The following COLQ variants were observed in gnomAD, a reference collection of about 807,000 sequenced individuals.
The protein encoded by COLQ is collagen like tail subunit of asymmetric acetylcholinesterase.
In COLQ, 48 loss-of-function variants were observed where a neutral mutation model predicts 69.0. The observed-to-expected ratio is 0.70, with a 90% confidence interval of 0.55 to 0.88. The LOEUF (loss-of-function observed/expected upper bound fraction) is 0.88, where lower values mean the gene tolerates loss of function less well. COLQ is among the 40% of genes least tolerant of loss of function. The probability of loss-of-function intolerance (pLI) is 0.00; values close to 1 mark genes in which losing one functional copy is unlikely to be tolerated. For synonymous variants in COLQ, 217 were observed against 211.2 expected (o/e 1.03, Z -0.24); for missense variants, 618 against 594.6 (o/e 1.04, Z -0.41).
rs1402522935 is a variant in COLQ at position 15,465,232 on chromosome 3, TTTGATTTATTTATTTATTTA to T, written c.814+1089_814+1108del. Among the ~76,000 whole-genome samples, 30 of 141,590 alleles carry T rather than the reference TTTGATTTATTTATTTATTTA, an allele frequency of 2.1e-4. 1 individual carries two copies. Among genetic ancestry groups the T allele is most frequent in the African/African-American group, 5.0e-4 (19 of 37,830 alleles). The allele number at this position is 141,590 out of a possible 152,430, so 92.9% of individuals were successfully genotyped here. A position where few individuals can be genotyped will look rare whatever the true frequency, so the allele number is the denominator to read the frequency against. On this transcript the variant is annotated intron_variant, in intron 12 of 16. Transcript: ENST00000383788. ...CCCTTCTCAATAACAGACTTTATAT[TTTGATTTATTTATTTATTTA>T]TTTATTTATTTATTTATTTATTTAT... is the stretch of plus-strand genomic sequence containing the variant.
At chr3:15,516,521 G>A (rs2063065626) in intron 1 of COLQ, among the ~76,000 whole-genome samples, 2 of 152,170 alleles carry the variant, frequency 1.3e-5, no homozygotes, top group Non-Finnish European at 2.9e-5. Context: ...CACCTGAAGA[G>A]TCCTGCCTTC....
rs1042178448 is a variant in COLQ, at chr3:15,519,704, A to T, written c.106+1816T>A. On this transcript the variant is annotated intron_variant, in intron 1 of 16. Coordinates refer to ENST00000383788, the MANE Select transcript of COLQ (RefSeq NM_005677.4). The stretch of plus-strand genomic sequence containing the variant: ...GTTGCCCTGATTGGTACAGTCTGCA[A>T]AAAGCTTACCTAAGAGATATCTATG... 3.3e-5 allele frequency among the ~76,000 whole-genome samples: 5 copies of T among 152,310 alleles called. No homozygotes were observed. In the South Asian group the frequency reaches 8.3e-4, roughly 25 times the overall value.
intron 7 of COLQ, chr3:15,475,165 T>C (rs940795901): frequency 1.5e-6 from 1 of 666,224 alleles, no homozygotes; most frequent in Non-Finnish European, 2.6e-6. Flanking sequence ...CTCTGCAAAG[T>C]CCTGATCAAA....
intron 1 of COLQ, among the ~76,000 whole-genome samples, chr3:15,511,453 G>A (rs2125180047): frequency 6.6e-6 from 1 of 152,324 alleles, no homozygotes; most frequent in Middle Eastern, 3.4e-3. Context: ...ATACTCTGGG[G>A]AAAGCATTTC....
intron 1 of COLQ, chr3:15,498,380 T>G: frequency 8.4e-6 from 8 of 949,734 alleles, no homozygotes; most frequent in Non-Finnish European, 1.2e-5. Context: ...AAAGAAAAAC[T>G]TAAAAAGAAA....
At chr3:15,511,399 T>C (rs1309335311) in intron 1 of COLQ, among the ~76,000 whole-genome samples, 1 of 152,212 alleles carries the variant, frequency 6.6e-6, no homozygotes, top group East Asian at 1.9e-4. Context: ...AATGCACTCT[T>C]ATTCTCAGGA....
In COLQ at chr3:15,488,210, G is replaced by C; in HGVS notation, c.317C>G (p.Pro106Arg). ...GSLGSPGPPG[P>R]QGPPGLPGKT... ...GGTCCGGTAGAGTGCACCAACCTGG[G>C]GGCCGGGAGGCCCAGGGGAGCCTAG... The change falls in exon 3 of 17, where the codon CCC becomes CGC. Residue 106 changes from proline to arginine, a missense_variant. Physicochemically the swap from Pro to Arg is moderately radical, Grantham distance 103. Transcript: ENST00000383788. 6.2e-7 allele frequency: 1 copy of C among 1,611,904 alleles called. No individual in the cohort carries two copies. The highest frequency in any genetic ancestry group is 1.3e-5 in the African/African-American group (1 of 75,056).
rs1223519171 is a variant in COLQ, at chr3:15,451,531, G to T, written c.*113C>A. On this transcript the variant is annotated 3_prime_UTR_variant, in exon 17 of 17. Coordinates refer to ENST00000383788, the MANE Select transcript of COLQ (RefSeq NM_005677.4). ...GTCTTAGTAGCAGGAATTTGTCCTT[G>T]TTTTTGTCACACAAAGGTTGGTGGA... 2.0e-6 allele frequency: 2 copies of T among 1,007,386 alleles called. No individual in the cohort carries two copies. Among genetic ancestry groups the T allele is most frequent in the Non-Finnish European group, 3.2e-6 (2 of 626,294 alleles). The allele number at this position is 1,007,386 out of a possible 1,614,324, so 62.4% of individuals were successfully genotyped here. A position where few individuals can be genotyped will look rare whatever the true frequency, so the allele number is the denominator to read the frequency against.
At chr3:15,500,533 T>C (rs897204807) in intron 1 of COLQ, among the ~76,000 whole-genome samples, 1 of 152,242 alleles carries the variant, frequency 6.6e-6, no homozygotes, top group Non-Finnish European at 1.5e-5. Flanking sequence ...GTTTCATTAT[T>C]GTAAAAACAA....
intron 3 of COLQ, among the ~76,000 whole-genome samples, chr3:15,484,477 G>A (rs1224286938): frequency 1.3e-5 from 2 of 152,092 alleles, no homozygotes; most frequent in African/African-American, 4.8e-5. Context: ...TGCTAGGTTG[G>A]GGAAGTACTC....
intron 2 of COLQ, among the ~76,000 whole-genome samples, chr3:15,489,005 G>A (rs2062621358): frequency 6.6e-6 from 1 of 152,158 alleles, no homozygotes; most frequent in South Asian, 2.1e-4. Flanking sequence ...TGTCTTCTAG[G>A]CCAGTTTCCC....
intron 3 of COLQ, among the ~76,000 whole-genome samples, chr3:15,483,521 T>C (rs1471813418): frequency 6.6e-6 from 1 of 152,204 alleles, no homozygotes; most frequent in African/African-American, 2.4e-5. Context: ...AGTTGAGTGG[T>C]TTTGAGTGAG....
chr3:15,458,176 A>G lies in COLQ; in HGVS notation c.954+10T>C, dbSNP rs781304702. ...GATAACCACCCCAGACTTCTCCCAG[A>G]AAGCCTTACCACAGGAACTCGCGGG... On this transcript the variant is annotated intron_variant, in intron 13 of 16. Coordinates refer to ENST00000383788, the MANE Select transcript of COLQ (RefSeq NM_005677.4). 1.2e-6 allele frequency: 2 copies of G among 1,613,140 alleles called. No individual in the cohort carries two copies. Among genetic ancestry groups the G allele is most frequent in the South Asian group, 1.1e-5 (1 of 91,030 alleles).
chr3:15,475,033 T>C (rs2062356120), intron 7 of COLQ, 82 bp from the exon 8 acceptor site: 11 of 1,461,982 alleles, frequency 7.5e-6, no homozygotes, highest in East Asian at 2.3e-5. Context: ...AATCCCTGAA[T>C]GTGGTGGTAA....
At chr3:15,503,296 A>G (rs1295496742) in intron 1 of COLQ, among the ~76,000 whole-genome samples, 1 of 152,198 alleles carries the variant, frequency 6.6e-6, no homozygotes, top group African/African-American at 2.4e-5. Context: ...TCCCTCTTCC[A>G]TAGGCCAGAG....
chr3:15,464,677 G>T (rs1450257892), intron 12 of COLQ, among the ~76,000 whole-genome samples: 4 of 152,228 alleles, frequency 2.6e-5, no homozygotes, highest in Admixed American at 2.0e-4. Flanking sequence ...CTGTGGAATT[G>T]TAAATGTCTT....
intron 3 of COLQ, among the ~76,000 whole-genome samples, chr3:15,479,858 T>C (rs2062448106): frequency 6.6e-6 from 1 of 152,220 alleles, no homozygotes; most frequent in East Asian, 1.9e-4. Flanking sequence ...CATGGTCAAT[T>C]TGTGGGTACT....
In COLQ at chr3:15,473,218, T is replaced by C. The variant is rs1483671744; in HGVS notation, c.636+782A>G. Among the ~76,000 whole-genome samples the C allele has an allele frequency of 2.0e-5, 3 of 152,188 alleles. No individual in the cohort carries two copies. Among genetic ancestry groups the C allele is most frequent in the Non-Finnish European group, 4.4e-5 (3 of 68,036 alleles). On this transcript the variant is annotated intron_variant, in intron 10 of 16. Coordinates refer to ENST00000383788, the MANE Select transcript of COLQ (RefSeq NM_005677.4). This position sits in a 1 kb window ranked among gnomAD's most constrained non-coding sequence, Gnocchi z 4.0. ...CCCAGGCTGGAGTGCAGTGGTGCAA[T>C]CATGGCTTACCGCAGCTTTGACTCC...
chr3:15,461,521 T>C (rs1034626253), intron 12 of COLQ, among the ~76,000 whole-genome samples: 4 of 152,116 alleles, frequency 2.6e-5, no homozygotes, highest in Admixed American at 6.6e-5. Context: ...AGGACCTGGC[T>C]CTCCATCTTT....
Sources: allele counts gnomAD v4.1 joint callset (sites outside exome capture counted in the v4.1 genomes callset), GRCh38; gene constraint gnomAD v4.1.1; non-coding constraint Gnocchi (gnomAD v3.1); transcripts MANE v1.5; gene names NCBI Gene and HGNC (gene_info 2026-07-23, HGNC 2026-07-21).